Variants in NRDC observed in about 807,000 individuals in gnomAD.
The protein encoded by NRDC is nardilysin.
A neutral mutation model predicts 147.1 loss-of-function variants in NRDC; 54 were observed. That is an observed-to-expected ratio of 0.37 (90% CI 0.29 to 0.46). The LOEUF is 0.46. NRDC is among the 20% of genes least tolerant of loss of function. NRDC has a pLI of 1.00. For missense variants in NRDC, 1,082 were observed against 1,370.6 expected (o/e 0.79, Z 3.33); for synonymous variants, 440 against 482.1 (o/e 0.91, Z 1.14).
chr1:51,829,931 T>G (rs144448059), intron 4 of NRDC, among the ~76,000 whole-genome samples: 136 of 152,074 alleles, frequency 8.9e-4, no homozygotes, highest in Non-Finnish European at 1.7e-3. Flanking sequence ...AGTTTCTTAT[T>G]CCTTGCAAGT....
Position 51,823,805 on chromosome 1 carries a change from A to T in NRDC, c.1037-19T>A, listed in dbSNP as rs752008967. ...GCATTTCCTATAAAAGAATGAAAAA[A>T]ATTATAGATATAACTAAGTTAACTT... On this transcript the variant is annotated intron_variant, in intron 6 of 30. Transcript: ENST00000352171. The T allele has an allele frequency of 1.9e-6, 3 of 1,561,816 alleles. No individual in the cohort carries two copies. Among genetic ancestry groups the T allele is most frequent in the Middle Eastern group, 3.7e-4 (2 of 5,408 alleles).
chr1:51,841,816 G>A (rs551439666), intron 1 of NRDC, among the ~76,000 whole-genome samples: 3 of 152,222 alleles, frequency 2.0e-5, no homozygotes, highest in East Asian at 1.9e-4. Context: ...CAGGGAAGGC[G>A]TCTAAGACAA....
chr1:51,832,092 G>A (rs539107242), intron 4 of NRDC, among the ~76,000 whole-genome samples: 5 of 151,550 alleles, frequency 3.3e-5, no homozygotes, highest in Admixed American at 6.6e-5. Flanking sequence ...TGTCACTCAG[G>A]CTGGAGTGCT....
At chr1:51,869,412 C>T (rs576970528) in intron 1 of NRDC, among the ~76,000 whole-genome samples, 5 of 152,066 alleles carry the variant, frequency 3.3e-5, no homozygotes, top group Non-Finnish European at 7.4e-5. Flanking sequence ...TTGCTGAATA[C>T]CATCCCTAAT....
At chr1:51,789,512 A>AACTC (rs1392687589) in intron 30 of NRDC, 56 bp downstream of exon 30, 3 of 1,590,128 alleles carry the variant, frequency 1.9e-6, no homozygotes, top group Non-Finnish European at 2.6e-6. Flanking sequence ...TAACCACCCA[A>AACTC]ACTCACTCAG....
chr1:51,845,184 C>A (rs1033047168), intron 1 of NRDC, among the ~76,000 whole-genome samples: 1 of 152,180 alleles, frequency 6.6e-6, no homozygotes, highest in Admixed American at 6.5e-5. Flanking sequence ...CTAAACACTG[C>A]CAACAGACTC....
chr1:51,817,258 A>T (rs1363879884), intron 10 of NRDC, among the ~76,000 whole-genome samples: 1 of 152,194 alleles, frequency 6.6e-6, no homozygotes, highest in Non-Finnish European at 1.5e-5. Context: ...TCATGTCTGT[A>T]ATCCCAGCAC....
chr1:51,831,897 C>T (rs1680729446), intron 4 of NRDC, among the ~76,000 whole-genome samples: 1 of 151,578 alleles, frequency 6.6e-6, no homozygotes, highest in South Asian at 2.1e-4. Flanking sequence ...CACTGCACTC[C>T]AGCCTGGGCA....
At chr1:51,824,494 T>C (rs888111638) in intron 6 of NRDC, among the ~76,000 whole-genome samples, 2 of 152,248 alleles carry the variant, frequency 1.3e-5, no homozygotes, top group Non-Finnish European at 2.9e-5. Flanking sequence ...TACAGAAATA[T>C]ACAGGGAAAC....
intron 18 of NRDC, 34 bp from the exon 19 acceptor site, chr1:51,805,595 A>AG (rs1557902731): frequency 5.8e-6 from 8 of 1,368,672 alleles, no homozygotes; most frequent in Non-Finnish European, 8.1e-6. Flanking sequence ...AAAAAAGGTT[A>AG]GGGGCCTCAG....
chr1:51,823,023 G>A (rs1048314237), intron 7 of NRDC, among the ~76,000 whole-genome samples: 7 of 152,072 alleles, frequency 4.6e-5, no homozygotes, highest in Non-Finnish European at 1.0e-4. Context: ...TACTAACTTT[G>A]AAAAACAAGT....
chr1:51,842,686 C>T (rs185076780), intron 1 of NRDC, among the ~76,000 whole-genome samples: 1 of 152,168 alleles, frequency 6.6e-6, no homozygotes, highest in Admixed American at 6.5e-5. Flanking sequence ...TCACATAATG[C>T]CAAAAAACAA....
At chr1:51,816,465 A>G (rs1173014274) in intron 10 of NRDC, 76 bp from the exon 11 acceptor site, 12 of 677,108 alleles carry the variant, frequency 1.8e-5, no homozygotes, top group Non-Finnish European at 2.7e-5. Context: ...CTCTAAGGCT[A>G]CAATAATTGA....
At chr1:51,806,417 G>A (rs1301306981) in intron 18 of NRDC, among the ~76,000 whole-genome samples, 2 of 152,110 alleles carry the variant, frequency 1.3e-5, no homozygotes, top group African/African-American at 2.4e-5. Context: ...ATCTAAAAAC[G>A]ATTTCATTCT....
At chr1:51,870,104 G>T (rs1055284697) in intron 1 of NRDC, among the ~76,000 whole-genome samples, 5 of 152,164 alleles carry the variant, frequency 3.3e-5, no homozygotes, top group African/African-American at 1.2e-4. Context: ...TGAGTTCTGT[G>T]AAAATGCCTG....
intron 1 of NRDC, among the ~76,000 whole-genome samples, chr1:51,860,487 C>T (rs555336587): frequency 3.5e-4 from 53 of 152,334 alleles, no homozygotes; most frequent in Non-Finnish European, 5.6e-4. Flanking sequence ...ACTGCCACCT[C>T]TTTCTCTTAC....
chr1:51,811,677 C>T (rs1054647046), intron 15 of NRDC, among the ~76,000 whole-genome samples: 2 of 152,136 alleles, frequency 1.3e-5, no homozygotes, highest in Non-Finnish European at 2.9e-5. Context: ...TAAACAACTA[C>T]GTATTTTTCA....
intron 28 of NRDC, 120 bp from the exon 29 acceptor site, chr1:51,790,769 G>A (rs1571832364): frequency 8.4e-6 from 8 of 955,574 alleles, no homozygotes; most frequent in Non-Finnish European, 1.3e-5. Flanking sequence ...CACGGATGAA[G>A]CTAGGGAGAC....
chr1:51,870,803 T>A (rs1452184807), intron 1 of NRDC, among the ~76,000 whole-genome samples: 1 of 148,004 alleles, frequency 6.8e-6, no homozygotes, highest in East Asian at 1.9e-4. Flanking sequence ...TAATTAATAA[T>A]TACTAATACT....
Sources: gnomAD v4.1 joint callset for allele counts (sites outside exome capture counted in the v4.1 genomes callset) on GRCh38, gnomAD v4.1.1 for gene constraint, MANE v1.5 for transcripts, NCBI Gene and HGNC (gene_info 2026-07-23, HGNC 2026-07-21) for gene names.